DOCK9: variants seen among roughly 807,000 people sequenced by gnomAD.
DOCK9 encodes the protein dedicator of cytokinesis protein 9.
A neutral mutation model predicts 263.3 loss-of-function variants in DOCK9; 89 were observed. The ratio of observed to expected loss-of-function variants is 0.34; its 90% CI spans 0.28 to 0.40. DOCK9 has a LOEUF of 0.40. Ranked by LOEUF, DOCK9 falls within the 10% of genes least tolerant of loss-of-function variation. The pLI, the probability that DOCK9 is intolerant of heterozygous loss-of-function variation, is 1.00. For synonymous variants in DOCK9, 976 were observed against 973.1 expected, an observed-to-expected ratio of 1.00 and a Z score of -0.06; for missense variants, 2,140 against 2,603.4, an observed-to-expected ratio of 0.82 and a Z score of 3.87.
intron 1 of DOCK9, among the ~76,000 whole-genome samples, chr13:99,071,611 G>C (rs2041682805): frequency 6.6e-6 from 1 of 152,016 alleles, no homozygotes; most frequent in Admixed American, 6.5e-5. Context: ...CTGTCTCAGG[G>C]GTAGCAGAGG....
chr13:98,972,503 CTG>C (rs2059838681), intron 1 of DOCK9, among the ~76,000 whole-genome samples: 1 of 152,148 alleles, frequency 6.6e-6, no homozygotes, highest in African/African-American at 2.4e-5. Context: ...AGCCCCATGT[CTG>C]AGATCATTTT....
At chr13:98,951,740 G>A (rs2057432125) in intron 2 of DOCK9, among the ~76,000 whole-genome samples, 1 of 152,182 alleles carries the variant, frequency 6.6e-6, no homozygotes, top group African/African-American at 2.4e-5. Flanking sequence ...GATGCTGCTG[G>A]CAAGGAGAAC....
rs571156570 is a variant in DOCK9, at chr13:98,904,981, A to G, written c.961-275T>C. On this transcript the variant is annotated intron_variant, in intron 9 of 52. Coordinates refer to ENST00000682017, the MANE Select transcript of DOCK9 (RefSeq NM_001366683.2). ...AGAAAGCAAAAGAGAATAATTAAGC[A>G]TCTGTGTGTCAAGAAAGGCTTCATA... 4.6e-5 allele frequency among the ~76,000 whole-genome samples: 7 copies of G among 152,368 alleles called. No individual in the cohort carries two copies. In the East Asian group the frequency reaches 1.2e-3, roughly 25 times the overall value.
chr13:98,916,886 T>G (rs1424573320), intron 7 of DOCK9, among the ~76,000 whole-genome samples: 4 of 152,342 alleles, frequency 2.6e-5, no homozygotes, highest in African/African-American at 7.2e-5. Context: ...CTTCAAAATT[T>G]TTTAGTTTAG....
chr13:98,903,695 T>G (rs2048675983), intron 10 of DOCK9, among the ~76,000 whole-genome samples: 1 of 150,460 alleles, frequency 6.6e-6, no homozygotes, highest in Non-Finnish European at 1.5e-5. Context: ...AAAATTATGA[T>G]CATGAACAAC....
At chr13:98,981,465 C>G (rs1040226174), upstream of DOCK9, among the ~76,000 whole-genome samples, 2 of 152,106 alleles carry the variant, frequency 1.3e-5, no homozygotes, top group Non-Finnish European at 2.9e-5. Context: ...AATGCAGTGA[C>G]AAAATTCACA....
intron 2 of DOCK9, among the ~76,000 whole-genome samples, chr13:98,948,100 C>T (rs1322810591): frequency 1.3e-5 from 2 of 152,036 alleles, no homozygotes; most frequent in African/African-American, 4.8e-5. Flanking sequence ...ACTTCCAGGC[C>T]TTTGTAAGCA....
At chr13:99,038,651 GAACT>G (rs1380377906) in intron 1 of DOCK9, among the ~76,000 whole-genome samples, 1 of 152,052 alleles carries the variant, frequency 6.6e-6, no homozygotes, top group Non-Finnish European at 1.5e-5. Flanking sequence ...AAGAGAAAAA[GAACT>G]AATATTTCAC....
intron 3 of DOCK9, among the ~76,000 whole-genome samples, chr13:98,927,170 C>T (rs2053106599): frequency 6.6e-6 from 1 of 152,206 alleles, no homozygotes; most frequent in African/African-American, 2.4e-5. Context: ...GATTTTGGAG[C>T]TGGCAAACTT....
At chr13:98,847,046 ATTTTC>A (rs1193687351) in intron 37 of DOCK9, 1 of 155,558 alleles carries the variant, frequency 6.4e-6, no homozygotes, top group East Asian at 1.9e-4. Context: ...AAGTAGGAAG[ATTTTC>A]TTTTAAGAAG....
intron 46 of DOCK9, 147 bp from the exon 47 acceptor site, chr13:98,809,612 T>C (rs1415992621): frequency 1.5e-5 from 10 of 658,362 alleles, no homozygotes; most frequent in Non-Finnish European, 2.5e-5. Context: ...CTTGTAGTGA[T>C]CATTAATGAA....
At chr13:98,976,271 G>A (rs2060270836) in intron 1 of DOCK9, among the ~76,000 whole-genome samples, 1 of 152,050 alleles carries the variant, frequency 6.6e-6, no homozygotes, top group Non-Finnish European at 1.5e-5. Flanking sequence ...CCATTGCAGT[G>A]GAAAAAGACC....
At chr13:98,971,189 C>G (rs1408162190) in intron 1 of DOCK9, among the ~76,000 whole-genome samples, 8 of 152,162 alleles carry the variant, frequency 5.3e-5, no homozygotes, top group Non-Finnish European at 7.3e-5. Flanking sequence ...GATTGAGAGG[C>G]AGATGCAGGA....
intron 1 of DOCK9, chr13:99,086,193 TC>T (rs1448674650): frequency 6.1e-6 from 9 of 1,469,732 alleles, no homozygotes; most frequent in East Asian, 5.9e-5. Flanking sequence ...CCCGCCATCC[TC>T]CCCCGGCCCG....
chr13:98,953,455 T>C (rs2057677393), intron 2 of DOCK9, among the ~76,000 whole-genome samples: 1 of 152,238 alleles, frequency 6.6e-6, no homozygotes, highest in South Asian at 2.1e-4. Flanking sequence ...TCCCCTGGGA[T>C]AAAGATGACA....
chr13:98,871,467 G>A (rs1015381271), intron 27 of DOCK9, among the ~76,000 whole-genome samples: 2 of 152,206 alleles, frequency 1.3e-5, no homozygotes, highest in Non-Finnish European at 2.9e-5. Context: ...CCCTGCAGTG[G>A]CAAATAGCTG....
At chr13:98,993,263 A>T (rs1347059678) in intron 1 of DOCK9, among the ~76,000 whole-genome samples, 9 of 152,208 alleles carry the variant, frequency 5.9e-5, no homozygotes, top group Non-Finnish European at 1.2e-4. Context: ...TGGTAACTTG[A>T]TCATTACGGA....
chr13:99,065,684 T>C (rs1002375541), intron 1 of DOCK9, among the ~76,000 whole-genome samples: 3 of 152,236 alleles, frequency 2.0e-5, no homozygotes, highest in African/African-American at 7.2e-5. Context: ...TTCCCTCCAC[T>C]GGAGGTAATC....
chr13:99,033,542 C>T (rs1306301251), intron 1 of DOCK9, among the ~76,000 whole-genome samples: 3 of 152,164 alleles, frequency 2.0e-5, no homozygotes, highest in East Asian at 3.8e-4. Context: ...ACACTGTCAG[C>T]GAGTGCAGTT....
Sources: allele counts gnomAD v4.1 joint callset (sites outside exome capture counted in the v4.1 genomes callset), GRCh38; gene constraint gnomAD v4.1.1; transcripts MANE v1.5; gene names NCBI Gene and HGNC (gene_info 2026-07-23, HGNC 2026-07-21).